Variants in GNAS observed in about 807,000 individuals in gnomAD.
The protein encoded by GNAS is protein ALEX.
In GNAS, 8 loss-of-function variants were observed where a neutral mutation model predicts 54.5. That is an observed-to-expected ratio of 0.15 (90% CI 0.09 to 0.26). The LOEUF (loss-of-function observed/expected upper bound fraction) is 0.26, where lower values mean the gene tolerates loss of function less well. GNAS is among the 10% of genes least tolerant of loss of function. The pLI is 1.00. For missense variants in GNAS, 170 were observed against 529.8 expected, an observed-to-expected ratio of 0.32 and a Z score of 6.67; for synonymous variants, 204 against 191.4, an observed-to-expected ratio of 1.07 and a Z score of -0.54.
At chr20:58,869,680 G>T (rs1307332400) in intron 1 of GNAS, among the ~76,000 whole-genome samples, 2 of 152,226 alleles carry the variant, frequency 1.3e-5, no homozygotes, top group Non-Finnish European at 2.9e-5. Context: ...ATTCATGCAA[G>T]TATCATTGTG....
chr20:58,851,992 G>A (rs1286912861), intron 1 of GNAS, among the ~76,000 whole-genome samples: 1 of 152,158 alleles, frequency 6.6e-6, no homozygotes, highest in Non-Finnish European at 1.5e-5. Context: ...ACCCTAAACC[G>A]GCATTAAACC....
At chr20:58,882,897 C>T (rs751297325) in intron 1 of GNAS, 1 of 152,092 alleles carries the variant, frequency 6.6e-6, no homozygotes, top group Non-Finnish European at 1.5e-5. Flanking sequence ...TTTCTTCTTT[C>T]GTTTCATTTA....
At chr20:58,885,448 A>G (rs2088528234) in intron 1 of GNAS, among the ~76,000 whole-genome samples, 1 of 152,246 alleles carries the variant, frequency 6.6e-6, no homozygotes, top group Non-Finnish European at 1.5e-5. Flanking sequence ...AAAACAGATC[A>G]TTTTAAAATG....
chr20:58,861,316 C>T (rs888727988), intron 1 of GNAS, among the ~76,000 whole-genome samples: 29 of 152,192 alleles, frequency 1.9e-4, no homozygotes, highest in African/African-American at 6.3e-4. Flanking sequence ...ATTGATGTCA[C>T]AAGGTCCTCA....
chr20:58,885,146 G>C (rs1406884950), intron 1 of GNAS: 2 of 152,246 alleles, frequency 1.3e-5, no homozygotes, highest in Non-Finnish European at 2.9e-5. Flanking sequence ...GTCCATTCCT[G>C]CCCACGCTGG....
chr20:58,889,161 C>T, upstream of GNAS: 1 of 1,214,650 alleles, frequency 8.2e-7, no homozygotes, highest in Non-Finnish European at 1.1e-6. Flanking sequence ...AGAAGCTCTG[C>T]TCCCCGGCGG....
chr20:58,850,826 C>A (rs1320549022), intron 1 of GNAS: 3 of 398,708 alleles, frequency 7.5e-6, no homozygotes, highest in East Asian at 7.1e-5. Context: ...CCAGGCCTAG[C>A]CGCCATACAC....
At position 58,841,217 on chromosome 20, in the gene GNAS, C is replaced by A; in HGVS notation, c.43+331C>A. On this transcript the variant is annotated intron_variant, in intron 1 of 12. Coordinates refer to the GNAS transcript ENST00000306090. The surrounding 1 kb of genome is among the most constrained non-coding windows in gnomAD (Gnocchi z 5.0). ...GATTTGGAGCTGCACACCCAAACGG[C>A]ATTGGTAAGTCACTTGTTTTGCGCG... The A allele has an allele frequency of 1.5e-6, 1 of 677,656 alleles. No individual in the cohort carries two copies. The highest frequency in any genetic ancestry group is 2.0e-6 in the Non-Finnish European group (1 of 494,632). The allele number at this position is 677,656 out of a possible 1,614,324, so 42.0% of individuals were successfully genotyped here. A position where few individuals can be genotyped will look rare whatever the true frequency, so the allele number is the denominator to read the frequency against.
chr20:58,891,575 C>T lies in GNAS; in HGVS notation c.-152C>T. ...CGTCCGCGCGCCCCGCGGCCCGCGG[C>T]CCGCAGTCCGCCCCGCGCGCTCCTT... On this transcript the variant is annotated 5_prime_UTR_variant, in exon 1 of 13. Transcript: ENST00000371085. 3.1e-6 allele frequency: 3 copies of T among 970,820 alleles called. No individual in the cohort carries two copies. Among genetic ancestry groups the T allele is most frequent in the South Asian group, 9.3e-5 (2 of 21,442 alleles). The allele number at this position is 970,820 out of a possible 1,614,324, so 60.1% of individuals were successfully genotyped here. A position where few individuals can be genotyped will look rare whatever the true frequency, so the allele number is the denominator to read the frequency against.
chr20:58,875,693 C>CG (rs1555879048), intron 1 of GNAS, among the ~76,000 whole-genome samples: 41 of 152,332 alleles, frequency 2.7e-4, no homozygotes, highest in African/African-American at 9.4e-4. Flanking sequence ...GTGCCCCCCC[C>CG]ACCCCATTCA....
chr20:58,895,036 T>C (rs2089910730), intron 1 of GNAS: 1 of 160,346 alleles, frequency 6.2e-6, no homozygotes, highest in Admixed American at 6.0e-5. Flanking sequence ...GGTGGATTTT[T>C]AAGTAGCCCA....
chr20:58,858,691 C>A (rs920670621), intron 1 of GNAS, among the ~76,000 whole-genome samples: 4 of 152,156 alleles, frequency 2.6e-5, no homozygotes, highest in Admixed American at 2.6e-4. Context: ...TTTATTTATA[C>A]AGTGAATCAC....
chr20:58,885,096 A>G (rs1358551564), intron 1 of GNAS: 1 of 152,214 alleles, frequency 6.6e-6, no homozygotes, highest in East Asian at 1.9e-4. Context: ...TCTTTTTGTT[A>G]GCTTCCCCCT....
At chr20:58,888,961 G>T (rs1055705498), upstream of GNAS, 2 of 510,592 alleles carry the variant, frequency 3.9e-6, no homozygotes, top group African/African-American at 4.2e-5. Flanking sequence ...CGCGCCCCCC[G>T]CCATCGCGGC....
At chr20:58,848,087 T>G (rs910464771) in intron 1 of GNAS, among the ~76,000 whole-genome samples, 1 of 152,254 alleles carries the variant, frequency 6.6e-6, no homozygotes, top group Non-Finnish European at 1.5e-5. Context: ...GTTTGCCACC[T>G]GTGGCACCTG....
At chr20:58,896,635 G>A (rs73915941) in intron 2 of GNAS, among the ~76,000 whole-genome samples, 22 of 148,782 alleles carry the variant, frequency 1.5e-4, no homozygotes, top group Admixed American at 4.7e-4. Context: ...AAAAAAAAAA[G>A]AAAAAGAAAA....
At chr20:58,895,339 A>G in intron 1 of GNAS, 1 of 455,940 alleles carries the variant, frequency 2.2e-6, no homozygotes, top group Non-Finnish European at 4.1e-6. Flanking sequence ...ACCACCCCAC[A>G]ATTTTTTAAA....
intron 1 of GNAS, among the ~76,000 whole-genome samples, chr20:58,860,999 T>C (rs1017259304): frequency 6.6e-6 from 1 of 152,186 alleles, no homozygotes; most frequent in African/African-American, 2.4e-5. Flanking sequence ...AATTTATTTT[T>C]AGAGAAGGTA....
intron 1 of GNAS, chr20:58,854,578 C>G: frequency 6.4e-7 from 1 of 1,560,284 alleles, no homozygotes; most frequent in South Asian, 1.2e-5. Flanking sequence ...CCTGCCGCCC[C>G]AGCCGATCCC....
Sources: allele counts gnomAD v4.1 joint callset (sites outside exome capture counted in the v4.1 genomes callset), GRCh38; gene constraint gnomAD v4.1.1; non-coding constraint Gnocchi (gnomAD v3.1); transcripts MANE v1.5; gene names NCBI Gene and HGNC (gene_info 2026-07-23, HGNC 2026-07-21).